Variants in ZIC3 observed in about 807,000 individuals in gnomAD.
ZIC3 encodes Zic family zinc finger 3.
A neutral mutation model predicts 18.3 loss-of-function variants in ZIC3; 6 were observed. The ratio of observed to expected loss-of-function variants is 0.33; its 90% CI spans 0.18 to 0.65. The LOEUF is 0.65. Ranked by LOEUF, ZIC3 falls within the 30% of genes least tolerant of loss-of-function variation. The pLI, the probability that ZIC3 is intolerant of heterozygous loss-of-function variation, is 0.75. For synonymous variants in ZIC3, 175 were observed against 177.0 expected (o/e 0.99, Z 0.09); for missense variants, 260 against 410.0 (o/e 0.63, Z 3.16).
chrX:137,567,021 C>A lies in ZIC3; in HGVS notation c.330C>A (p.Ala110=), dbSNP rs1403434097. The A allele has an allele frequency of 8.6e-7, 1 of 1,167,888 alleles. No individual in the cohort carries two copies. The highest frequency in any genetic ancestry group is 1.1e-6 in the Non-Finnish European group (1 of 873,372). The part of the protein sequence containing the change: ...QVPSYGGAAS[A]AFNSTREFLF... The stretch of plus-strand genomic sequence containing the variant: ...CCAGCTACGGTGGCGCTGCCTCTGC[C>A]GCCTTCAACTCAACGCGCGAGTTTC... The change falls in exon 1 of 3, where the codon GCC becomes GCA. Residue 110 remains alanine, a synonymous_variant. Coordinates refer to ENST00000287538, the MANE Select transcript of ZIC3 (RefSeq NM_003413.4).
intron 2 of ZIC3, 82 bp downstream of exon 2, chrX:137,569,147 C>T: frequency 2.7e-6 from 3 of 1,103,174 alleles, no homozygotes; most frequent in Non-Finnish European, 2.5e-6. Flanking sequence ...GCCCGCGCTG[C>T]CAACCCTCTG....
exon 3 of ZIC3, chrX:137,577,564 A>G (rs779331399): frequency 5.4e-4 from 86 of 157,890 alleles, no homozygotes; most frequent in South Asian, 3.2e-3. Context: ...AGCATTCTAT[A>G]TGTAGAACTA....
Position 137,570,072 on chromosome X carries a change from G to A in ZIC3, c.*2G>A. 1 of 1,210,520 alleles carries A rather than the reference G, an allele frequency of 8.3e-7. No homozygotes were observed. The highest frequency in any genetic ancestry group is 3.0e-5 in the East Asian group (1 of 33,819). ...AATTTTAACGAATGGTACGTCTGAG[G>A]ACAAACACAAACCCTGTTAATTATA... On this transcript the variant is annotated 3_prime_UTR_variant, in exon 3 of 3. Transcript: ENST00000287538.
downstream of ZIC3, among the ~76,000 whole-genome samples, chrX:137,572,827 A>G (rs890292070): frequency 1.8e-5 from 2 of 111,562 alleles, no homozygotes; most frequent in African/African-American, 3.3e-5. Flanking sequence ...AAATTATTCT[A>G]CCATAAAATT....
rs1481458695 is a variant in ZIC3 at position 137,566,757 on chromosome X, G to C, written c.66G>C (p.Pro22=). The C allele has an allele frequency of 2.5e-6, 3 of 1,189,796 alleles. No individual in the cohort carries two copies. The East Asian group carries it at 9.1e-5, about 36-fold the overall frequency. ...PGLGVGSFGA[P]RHHEMPNREP... Reference sequence around the variant, plus strand: ...TGGGAGTGGGCAGCTTCGGCGCGCCGCGCCACCACGAGATGCCCAACCGTG... The same window carrying C: ...TGGGAGTGGGCAGCTTCGGCGCGCCCCGCCACCACGAGATGCCCAACCGTG... The change falls in exon 1 of 3, where the codon CCG becomes CCC. Residue 22 remains proline, a synonymous_variant. Coordinates refer to ENST00000287538, the MANE Select transcript of ZIC3 (RefSeq NM_003413.4).
chrX:137,566,811 C>A lies in ZIC3; in HGVS notation c.120C>A (p.Phe40Leu). The part of the protein sequence containing the change: ...REPAGMGLNP[F>L]GDSTHAAAAA... ...CGGCAGGCATGGGGCTGAATCCCTT[C>A]GGGGACTCAACCCACGCCGCCGCCG... The change falls in exon 1 of 3, where the codon TTC becomes TTA. Residue 40 changes from phenylalanine (F) to leucine (L), a missense_variant. Physicochemically the swap from Phe to Leu is conservative, Grantham distance 22 (BLOSUM62 0). This residue lies in a region of ZIC3 where 183 missense variants were observed against 223.8 expected (regional missense o/e 0.82). Transcript: ENST00000287538. 1 of 1,171,256 alleles carries A rather than the reference C, an allele frequency of 8.5e-7. No individual in the cohort carries two copies.
At chrX:137,576,196 C>T (rs1214661989), downstream of ZIC3, among the ~76,000 whole-genome samples, 2 of 102,785 alleles carry the variant, frequency 1.9e-5, no homozygotes, top group African/African-American at 7.2e-5. Context: ...CTCTATTTTT[C>T]CATTCTGTAG....
At chrX:137,574,078 C>T (rs1569347315), downstream of ZIC3, 1 of 113,501 alleles carries the variant, frequency 8.8e-6, no homozygotes, top group Non-Finnish European at 1.9e-5. Flanking sequence ...GAATCAGCCT[C>T]TGCCTAATCC....
At chrX:137,568,375 T>TATC (rs1455530529) in intron 1 of ZIC3, among the ~76,000 whole-genome samples, 17 of 110,780 alleles carry the variant, frequency 1.5e-4, no homozygotes, top group Non-Finnish European at 3.0e-4. Flanking sequence ...TCTATCTATC[T>TATC]ATCTATCTAT....
chrX:137,577,442 A>C (rs1471730751), exon 3 of ZIC3: 4 of 325,895 alleles, frequency 1.2e-5, no homozygotes, highest in Non-Finnish European at 1.6e-5. Flanking sequence ...AACTCCCCCC[A>C]CTTTAGGATT....
At position 137,570,005 on chromosome X, in the gene ZIC3, G is replaced by A. The variant is rs749105833; in HGVS notation, c.1339G>A (p.Ala447Thr). 5.8e-6 allele frequency: 7 copies of A among 1,210,247 alleles called. No individual in the cohort carries two copies. In the African/African-American group the frequency reaches 1.0e-4, roughly 18 times the overall value. The change falls in exon 3 of 3, where the codon GCA becomes ACA. Residue 447 changes from alanine to threonine, a missense_variant. By Grantham distance (58) the Ala-to-Thr change is moderately conservative. Transcript: ENST00000287538. ...NSKDTTKTPS[A>T]VQTSTSHNPG... Reference sequence around the variant, plus strand: ...TAAAGATACCACTAAAACCCCTTCTGCAGTTCAAACTAGCACCAGCCACAA... The same window carrying A: ...TAAAGATACCACTAAAACCCCTTCTACAGTTCAAACTAGCACCAGCCACAA...
At chrX:137,577,513 A>T (rs1569347937) in exon 3 of ZIC3, 2 of 227,276 alleles carry the variant, frequency 8.8e-6, no homozygotes, top group Non-Finnish European at 1.6e-5. Context: ...GCATTATCTC[A>T]TGCATTGTGT....
Position 137,567,410 on chromosome X carries a change from T to C in ZIC3, c.719T>C (p.Phe240Ser). Residue 240 changes from phenylalanine to serine, a missense_variant, in exon 1 of 3, where the codon TTC (phenylalanine) becomes TCC (serine). Around this residue, in one of 4 missense-constraint regions of ZIC3, gnomAD observed 183 missense variants for 223.8 expected, o/e 0.82. Transcript: ENST00000287538. The stretch of plus-strand genomic sequence containing the variant: ...GCCCACCACGGGCCCGGCGCCTTCT[T>C]CCGTTATATGCGGCAGCCTATCAAG... ...VAAHHGPGAF[F>S]RYMRQPIKQE... 8.3e-7 allele frequency: 1 copy of C among 1,211,459 alleles called. No individual in the cohort carries two copies. The highest frequency in any genetic ancestry group is 1.1e-6 in the Non-Finnish European group (1 of 895,514).
At chrX:137,577,484 C>G (rs771241133) in exon 3 of ZIC3, 1 of 287,239 alleles carries the variant, frequency 3.5e-6, no homozygotes, top group South Asian at 1.2e-4. Flanking sequence ...GAAGACTGGC[C>G]TAATTCATAA....
At chrX:137,574,679 C>T (rs1931490916), downstream of ZIC3, among the ~76,000 whole-genome samples, 1 of 111,522 alleles carries the variant, frequency 9.0e-6, no homozygotes. Context: ...TTTGCAGTGC[C>T]GCGGCCTCGG....
intron 1 of ZIC3, among the ~76,000 whole-genome samples, chrX:137,568,618 CTT>C (rs1931390802): frequency 9.0e-6 from 1 of 111,288 alleles, no homozygotes; most frequent in Non-Finnish European, 1.9e-5. Flanking sequence ...TTAGGGGAAA[CTT>C]CGGAGGAGCC....
At chrX:137,577,309 G>A in exon 3 of ZIC3, 1 of 493,310 alleles carries the variant, frequency 2.0e-6, no homozygotes, top group Non-Finnish European at 3.7e-6. Context: ...TTGGATGTCT[G>A]TTACCTTGAA....
At chrX:137,572,878 C>T (rs1931457508), downstream of ZIC3, among the ~76,000 whole-genome samples, 1 of 111,312 alleles carries the variant, frequency 9.0e-6, no homozygotes, top group Non-Finnish European at 1.9e-5. Context: ...GGGAAGATAT[C>T]AATTAAATGA....
rs1473996300 is a variant in ZIC3, at chrX:137,567,345, C to G, written c.654C>G (p.Asn218Lys). 8.3e-7 allele frequency: 1 copy of G among 1,211,747 alleles called. No individual in the cohort carries two copies. ...ACGCGGCCGGCGCTCAGTTTCCTAA[C>G]TACAGCCCCATGAACATGAACATGG... ...DPYAAGAQFPNYSPMNMNMGV... is the reference protein window; with the variant it reads ...DPYAAGAQFPKYSPMNMNMGV... The change falls in exon 1 of 3, where the codon AAC becomes AAG. Residue 218 changes from asparagine (N) to lysine (K), a missense_variant. Around this residue, in one of 4 missense-constraint regions of ZIC3, gnomAD observed 183 missense variants for 223.8 expected, o/e 0.82. Transcript: ENST00000287538.
Sources: gnomAD v4.1 joint callset for allele counts (sites outside exome capture counted in the v4.1 genomes callset) on GRCh38, gnomAD v4.1.1 for gene constraint, gnomAD v4.1.1 regional missense constraint, MANE v1.5 for transcripts, NCBI Gene and HGNC (gene_info 2026-07-23, HGNC 2026-07-21) for gene names.